Variants in ARG2 observed in about 807,000 individuals in gnomAD.
ARG2 encodes arginase 2.
In ARG2, 21 loss-of-function variants were observed where a neutral mutation model predicts 39.4. The ratio of observed to expected loss-of-function variants is 0.53; its 90% confidence interval spans 0.38 to 0.77. The LOEUF (loss-of-function observed/expected upper bound fraction) is 0.77. Among genes scored for constraint, ARG2 ranks in the 30% least tolerant of loss-of-function variants. The probability of loss-of-function intolerance (pLI) is 0.00; values close to 1 mark genes in which losing one functional copy is unlikely to be tolerated. For synonymous variants in ARG2, 150 were observed against 156.7 expected (o/e 0.96, Z 0.32); for missense variants, 378 against 426.2 (o/e 0.89, Z 1.00).
chr14:67,635,307 C>T (rs1385786721), intron 2 of ARG2, among the ~76,000 whole-genome samples: 1 of 152,152 alleles, frequency 6.6e-6, no homozygotes. Flanking sequence ...AAATAAAATT[C>T]AGATCTCTGC....
chr14:67,648,939 AC>A (rs1362199729), intron 7 of ARG2: 1 of 152,152 alleles, frequency 6.6e-6, no homozygotes, highest in African/African-American at 2.4e-5. Context: ...GCTATAGAGA[AC>A]CCTTGACTAG....
chr14:67,622,455 C>T (rs373309151), intron 2 of ARG2, among the ~76,000 whole-genome samples: 33 of 152,252 alleles, frequency 2.2e-4, no homozygotes, highest in Middle Eastern at 3.4e-3. Flanking sequence ...ATATTCGAAC[C>T]TTGTTTATTA....
rs118143660 is a variant in ARG2 at position 67,628,948 on chromosome 14, T to C, written c.184+7982T>C. 4.9e-3 allele frequency among the ~76,000 whole-genome samples: 750 copies of C among 152,292 alleles called. 36 individuals carry two copies. In the East Asian group the frequency reaches 0.083, roughly 17 times the overall value. ...CCCATGTTCACAGCAGTATTAACAA[T>C]AGCCAAAAGGTGGAAGCAACCCAAG... is the stretch of plus-strand genomic sequence containing the variant. On this transcript the variant is annotated intron_variant, in intron 2 of 7. Transcript: ENST00000261783.
intron 2 of ARG2, among the ~76,000 whole-genome samples, chr14:67,633,001 T>C (rs1343506633): frequency 6.6e-6 from 1 of 151,756 alleles, no homozygotes; most frequent in Non-Finnish European, 1.5e-5. Flanking sequence ...TTCGTATTTT[T>C]AGTAGAGACA....
rs2036861207 is a variant in ARG2 at position 67,625,862 on chromosome 14, C to T, written c.184+4896C>T. Reference sequence around the variant, plus strand: ...TAAAATAACAACCGTAAAAAGACAACCAAATTTAAAAATTAGCAATAGATT... The same window carrying T: ...TAAAATAACAACCGTAAAAAGACAATCAAATTTAAAAATTAGCAATAGATT... On this transcript the variant is annotated intron_variant, in intron 2 of 7. Coordinates refer to ENST00000261783, the MANE Select transcript of ARG2 (RefSeq NM_001172.4). Among the ~76,000 whole-genome samples the T allele has an allele frequency of 2.6e-5, 4 of 151,820 alleles. No individual in the cohort carries two copies. In the South Asian group the frequency reaches 8.3e-4, roughly 32 times the overall value.
Position 67,638,706 on chromosome 14 carries a change from C to T in ARG2, c.185-3480C>T, listed in dbSNP as rs1427240099. 2.6e-5 allele frequency among the ~76,000 whole-genome samples: 4 copies of T among 152,300 alleles called. 1 individual carries two copies. The highest frequency in any genetic ancestry group is 4.1e-4 in the South Asian group (2 of 4,828). Reference sequence around the variant, plus strand: ...GGAAGGTAGGCCACTCAGGCAGGGCCTCTCAAGGTATAAATCCCTTTAGAG... The same window carrying T: ...GGAAGGTAGGCCACTCAGGCAGGGCTTCTCAAGGTATAAATCCCTTTAGAG... On this transcript the variant is annotated intron_variant, in intron 2 of 7. Coordinates refer to ENST00000261783, the MANE Select transcript of ARG2 (RefSeq NM_001172.4).
At chr14:67,627,142 A>G (rs1176936929) in intron 2 of ARG2, among the ~76,000 whole-genome samples, 1 of 152,076 alleles carries the variant, frequency 6.6e-6, no homozygotes, top group Non-Finnish European at 1.5e-5. Flanking sequence ...ATGGCTGCAC[A>G]ACTTCTTGAA....
In ARG2 at chr14:67,651,386, C is replaced by CA. The variant is rs775237573; in HGVS notation, c.*468dup. On this transcript the variant is annotated 3_prime_UTR_variant, in exon 8 of 8. Transcript: ENST00000261783. ...CCACAAACCCTTCCCTATAGAAGTT[C>CA]AATGGCTGCGAAAGAATTTGTAGTA... 6.2e-7 allele frequency: 1 copy of CA among 1,613,766 alleles called. No individual in the cohort carries two copies. Among genetic ancestry groups the CA allele is most frequent in the Non-Finnish European group, 8.5e-7 (1 of 1,179,764 alleles).
chr14:67,626,722 A>G, intron 2 of ARG2, among the ~76,000 whole-genome samples: 1 of 152,202 alleles, frequency 6.6e-6, no homozygotes, highest in East Asian at 1.9e-4. Flanking sequence ...AGCCTCCCAA[A>G]GTGCTAGGAT....
rs562018354 is a variant in ARG2, at chr14:67,634,246, C to T, written c.185-7940C>T. Among the ~76,000 whole-genome samples the T allele has an allele frequency of 7.9e-5, 12 of 152,156 alleles. No individual in the cohort carries two copies. In the South Asian group the frequency reaches 1.0e-3, roughly 13 times the overall value. ...CACCTGGTCTCCCAGATTTTTAAAA[C>T]GTATGACTCAAAGGATAACTGCCAT... On this transcript the variant is annotated intron_variant, in intron 2 of 7. Coordinates refer to ENST00000261783, the MANE Select transcript of ARG2 (RefSeq NM_001172.4).
chr14:67,646,813 A>G (rs1333326677), intron 5 of ARG2, 75 bp downstream of exon 5: 1 of 1,447,512 alleles, frequency 6.9e-7, no homozygotes, highest in East Asian at 2.3e-5. Flanking sequence ...CTGATGCTTA[A>G]CTTGGTCTAT....
chr14:67,642,034 T>A (rs1397403217), intron 2 of ARG2, 152 bp from the exon 3 acceptor site: 1 of 777,368 alleles, frequency 1.3e-6, no homozygotes, highest in Non-Finnish European at 2.0e-6. Flanking sequence ...AGGATCGAGA[T>A]AATCTTCCCA....
chr14:67,647,658 TTTAAA>T (rs988404440), intron 6 of ARG2: 10 of 161,120 alleles, frequency 6.2e-5, no homozygotes, highest in South Asian at 1.9e-4. Flanking sequence ...ATCAAGCCAA[TTTAAA>T]TTAGACTAAT....
chr14:67,649,536 T>G (rs529570404), intron 7 of ARG2: 2 of 152,236 alleles, frequency 1.3e-5, no homozygotes, highest in Non-Finnish European at 2.9e-5. Flanking sequence ...TAGTGCAAAC[T>G]TTGATGACCA....
At chr14:67,643,946 A>T (rs2037065322) in intron 3 of ARG2, among the ~76,000 whole-genome samples, 1 of 151,414 alleles carries the variant, frequency 6.6e-6, no homozygotes, top group Admixed American at 6.6e-5. Flanking sequence ...CCATTCAATT[A>T]AATCAACCAG....
chr14:67,620,564 C>T (rs2036798884), intron 1 of ARG2, among the ~76,000 whole-genome samples: 1 of 152,000 alleles, frequency 6.6e-6, no homozygotes, highest in Non-Finnish European at 1.5e-5. Context: ...CTCTCCAGCG[C>T]GGGAGGTGGG....
chr14:67,622,707 A>G (rs943285709), intron 2 of ARG2, among the ~76,000 whole-genome samples: 15 of 152,322 alleles, frequency 9.8e-5, no homozygotes, highest in African/African-American at 3.1e-4. Context: ...ATCTCTGGTT[A>G]TCACTGTTTT....
intron 2 of ARG2, among the ~76,000 whole-genome samples, chr14:67,624,266 A>G (rs2036840314): frequency 6.9e-6 from 1 of 145,812 alleles, no homozygotes; most frequent in African/African-American, 2.7e-5. Context: ...TTGCACTTTA[A>G]TGGGAAATCT....
At chr14:67,649,220 A>G (rs1312705074) in intron 7 of ARG2, 1 of 152,028 alleles carries the variant, frequency 6.6e-6, no homozygotes, top group African/African-American at 2.4e-5. Context: ...ACAATATTTT[A>G]CTCCAAAAGA....
Sources: gnomAD v4.1 joint callset for allele counts (sites outside exome capture counted in the v4.1 genomes callset) on GRCh38, gnomAD v4.1.1 for gene constraint, MANE v1.5 for transcripts, NCBI Gene and HGNC (gene_info 2026-07-23, HGNC 2026-07-21) for gene names.